Variants in DOCK4 observed in about 807,000 individuals in gnomAD.
The protein encoded by DOCK4 is dedicator of cytokinesis 4, also known as dedicator of cytokinesis protein 4.
DOCK4 carries 97 observed loss-of-function variants against 268.1 expected under a neutral mutation model. That is an observed-to-expected ratio of 0.36 (90% CI 0.31 to 0.43). The LOEUF (loss-of-function observed/expected upper bound fraction) is 0.43, where lower values mean the gene tolerates loss of function less well. DOCK4 is among the 20% of genes least tolerant of loss of function. The probability of loss-of-function intolerance (pLI) is 1.00; values close to 1 mark genes in which losing one functional copy is unlikely to be tolerated. For missense variants in DOCK4, 2,145 were observed against 2,455.7 expected (o/e 0.87, Z 2.67); for synonymous variants, 954 against 887.2 (o/e 1.08, Z -1.34).
intron 47 of DOCK4, among the ~76,000 whole-genome samples, chr7:111,740,501 A>G (rs62472913): frequency 0.96 from 144,063 of 150,134 alleles, 69,146 homozygotes; most frequent in Middle Eastern, 0.98. Flanking sequence ...GGGAGGCCAA[A>G]TTGGGCAGAT....
At chr7:111,942,347 T>C (rs763123800) in intron 10 of DOCK4, among the ~76,000 whole-genome samples, 17 of 152,310 alleles carry the variant, frequency 1.1e-4, no homozygotes, top group Non-Finnish European at 2.4e-4. Flanking sequence ...AACATGCCCT[T>C]TTCCTACTAA....
chr7:112,163,501 G>T (rs887223503), intron 1 of DOCK4, among the ~76,000 whole-genome samples: 3 of 152,148 alleles, frequency 2.0e-5, no homozygotes, highest in Admixed American at 6.6e-5. Flanking sequence ...CCAAAATCAT[G>T]CCAATGTCAG....
intron 1 of DOCK4, among the ~76,000 whole-genome samples, chr7:112,081,443 G>C (rs1808574045): frequency 6.6e-6 from 1 of 152,064 alleles, no homozygotes. Flanking sequence ...AGTCCTTGAG[G>C]GAAGCCTGAC....
rs141286377 is a variant in DOCK4 at position 112,005,543 on chromosome 7, C to A, written c.38-1412G>T. On this transcript the variant is annotated intron_variant, in intron 1 of 52. Transcript: ENST00000428084. Reference sequence around the variant, plus strand: ...AGAAGCATTTTGCTGGCAAAACAATCAAGGGTCTATATATCTTGACAGATT... The same window carrying A: ...AGAAGCATTTTGCTGGCAAAACAATAAAGGGTCTATATATCTTGACAGATT... 3.6e-3 allele frequency among the ~76,000 whole-genome samples: 548 copies of A among 152,326 alleles called. 4 individuals are homozygous for A. The highest frequency in any genetic ancestry group is 0.012 in the African/African-American group (511 of 41,574).
chr7:111,790,360 G>C, intron 31 of DOCK4, 97 bp downstream of exon 31: 1 of 1,448,292 alleles, frequency 6.9e-7, no homozygotes, highest in Non-Finnish European at 9.4e-7. Context: ...TGCTGACCCA[G>C]TGTTCATTTC....
chr7:111,940,713 C>T (rs1483327080), intron 10 of DOCK4, among the ~76,000 whole-genome samples: 3 of 152,200 alleles, frequency 2.0e-5, no homozygotes, highest in Admixed American at 2.0e-4. Flanking sequence ...GTGCATGCTC[C>T]TGCCTCAGCT....
intron 12 of DOCK4, among the ~76,000 whole-genome samples, chr7:111,925,113 C>T (rs1240713059): frequency 6.6e-6 from 1 of 152,170 alleles, no homozygotes; most frequent in Non-Finnish European, 1.5e-5. Context: ...TATCAGAGCA[C>T]AAATTTTACA....
At chr7:111,827,518 G>A (rs1802495637) in intron 26 of DOCK4, among the ~76,000 whole-genome samples, 1 of 152,102 alleles carries the variant, frequency 6.6e-6, no homozygotes, top group South Asian at 2.1e-4. Context: ...ATCAGAGAGG[G>A]AGGACTGTAT....
At position 112,147,027 on chromosome 7, in the gene DOCK4, T is replaced by C. The variant is rs1361955276; in HGVS notation, c.37+59075A>G. Among the ~76,000 whole-genome samples the C allele has an allele frequency of 2.6e-5, 4 of 152,278 alleles. No homozygotes were observed. In the East Asian group the frequency reaches 7.7e-4, roughly 29 times the overall value. On this transcript the variant is annotated intron_variant, in intron 1 of 52. Coordinates refer to ENST00000428084, the MANE Select transcript of DOCK4 (RefSeq NM_001363540.2). ...ATGATATATAACTATCATGTATTTA[T>C]TTTTTAAAGCAGGACTCCTAGTAAT...
intron 27 of DOCK4, 80 bp from the exon 28 acceptor site, chr7:111,812,029 G>A: frequency 1.3e-6 from 1 of 742,542 alleles, no homozygotes; most frequent in Non-Finnish European, 2.1e-6. Flanking sequence ...AACCTACTAA[G>A]ATAAAATAAA....
At chr7:111,851,953 C>G (rs981512811) in intron 23 of DOCK4, among the ~76,000 whole-genome samples, 3 of 147,814 alleles carry the variant, frequency 2.0e-5, no homozygotes, top group African/African-American at 7.7e-5. Context: ...CTCTCTCTCT[C>G]CTTCCTTTTT....
chr7:111,935,094 C>T (rs1173669164), intron 12 of DOCK4, among the ~76,000 whole-genome samples: 2 of 151,862 alleles, frequency 1.3e-5, no homozygotes, highest in South Asian at 2.1e-4. Context: ...TTACAGGCAC[C>T]TGCCACCATG....
chr7:112,016,170 T>A (rs1242363925), intron 1 of DOCK4, among the ~76,000 whole-genome samples: 4 of 152,240 alleles, frequency 2.6e-5, no homozygotes, highest in Non-Finnish European at 5.9e-5. Flanking sequence ...GCACATTTAG[T>A]TGTTACATTT....
intron 1 of DOCK4, among the ~76,000 whole-genome samples, chr7:112,105,849 TGG>T (rs1278096706): frequency 1.3e-5 from 2 of 152,072 alleles, no homozygotes; most frequent in African/African-American, 4.8e-5. Flanking sequence ...CCACAATGTC[TGG>T]CTAATTTTGA....
intron 1 of DOCK4, among the ~76,000 whole-genome samples, chr7:112,111,873 T>C (rs1311346273): frequency 6.6e-6 from 1 of 152,230 alleles, no homozygotes; most frequent in Non-Finnish European, 1.5e-5. Flanking sequence ...AGAGCCTCTG[T>C]GATTCTGCTC....
intron 51 of DOCK4, among the ~76,000 whole-genome samples, chr7:111,733,778 C>T (rs746370932): frequency 2.6e-4 from 39 of 152,078 alleles, no homozygotes; most frequent in Admixed American, 4.6e-4. Context: ...ATAGTTTGGC[C>T]GATAAGTTTT....
chr7:111,817,971 G>C (rs1452214649), intron 27 of DOCK4, among the ~76,000 whole-genome samples: 2 of 152,056 alleles, frequency 1.3e-5, no homozygotes, highest in Admixed American at 1.3e-4. Context: ...CAAATCCTGG[G>C]ACCAATTGTC....
chr7:112,106,736 T>G (rs764914509), intron 1 of DOCK4, among the ~76,000 whole-genome samples: 10 of 152,344 alleles, frequency 6.6e-5, no homozygotes, highest in Non-Finnish European at 1.2e-4. Flanking sequence ...ATTTGCCAGT[T>G]GAATGCAGAG....
intron 1 of DOCK4, among the ~76,000 whole-genome samples, chr7:112,074,041 A>G (rs890086585): frequency 3.3e-5 from 5 of 152,182 alleles, no homozygotes; most frequent in African/African-American, 1.2e-4. Context: ...AGTAAAAATA[A>G]AAGAGAAAAA....
Sources: gnomAD v4.1 joint callset for allele counts (sites outside exome capture counted in the v4.1 genomes callset) on GRCh38, gnomAD v4.1.1 for gene constraint, MANE v1.5 for transcripts, NCBI Gene and HGNC (gene_info 2026-07-23, HGNC 2026-07-21) for gene names.